The following RNF31 variants were observed in gnomAD, a reference collection of about 807,000 sequenced individuals.
RNF31 encodes the protein ring finger protein 31, also known as E3 ubiquitin-protein ligase RNF31.
In RNF31, 38 loss-of-function variants were observed where a neutral mutation model predicts 133.6. That is an observed-to-expected ratio of 0.28 (90% confidence interval 0.22 to 0.37). The LOEUF (loss-of-function observed/expected upper bound fraction) is 0.37. Ranked by LOEUF, RNF31 falls within the 10% of genes least tolerant of loss-of-function variation. RNF31 has a pLI of 1.00. For missense variants in RNF31, 1,118 were observed against 1,394.1 expected (o/e 0.80, Z 3.15); for synonymous variants, 582 against 552.3 (o/e 1.05, Z -0.75).
intron 5 of RNF31, 121 bp from the exon 6 acceptor site, chr14:24,149,285 A>T: frequency 9.4e-7 from 1 of 1,061,490 alleles, no homozygotes; most frequent in Non-Finnish European, 1.3e-6. Flanking sequence ...AAAAGAGATT[A>T]AAATTGTTTC....
rs1399108116 is a variant in RNF31, at chr14:24,151,797, G to C, written c.1935G>C (p.Arg645Ser). The C allele has an allele frequency of 3.1e-6, 5 of 1,609,982 alleles. No homozygotes were observed. Among genetic ancestry groups the C allele is most frequent in the Non-Finnish European group, 3.4e-6 (4 of 1,177,414 alleles). Reference sequence around the variant, plus strand: ...GAATCATATTGCAGAGCCTGGTCAGGCGGCTTTTGGCAGTCTACGCACTCC... The same window carrying C: ...GAATCATATTGCAGAGCCTGGTCAGCCGGCTTTTGGCAGTCTACGCACTCC... ...WDGPDKQSLV[R>S]RLLAVYALPS... The change falls in exon 11 of 21, where the codon AGG becomes AGC. Residue 645 changes from arginine (R) to serine (S), a missense_variant. Arg to Ser is a moderately radical substitution (Grantham distance 110). Around this residue, in one of 3 missense-constraint regions of RNF31, gnomAD observed 747 missense variants for 827.9 expected, o/e 0.90. Coordinates refer to ENST00000324103, the MANE Select transcript of RNF31 (RefSeq NM_017999.5). The surrounding 1 kb of genome is among the most constrained non-coding windows in gnomAD (Gnocchi z 5.3).
intron 18 of RNF31, among the ~76,000 whole-genome samples, chr14:24,158,987 G>C (rs2031101): frequency 0.58 from 82,605 of 143,492 alleles, 24,666 homozygotes; most frequent in East Asian, 0.85. Flanking sequence ...GAGCAGAGAT[G>C]GCGCCACCGC....
chr14:24,158,307 T>C, intron 18 of RNF31, 108 bp downstream of exon 18: 1 of 1,070,772 alleles, frequency 9.3e-7, no homozygotes, highest in Admixed American at 2.1e-5. Flanking sequence ...GCATGCCCTT[T>C]GGCAAGTTAA....
rs562575602 is a variant in RNF31 at position 24,148,851 on chromosome 14, C to T, written c.606C>T (p.Gly202=). 9 of 1,614,126 alleles carry T rather than the reference C, an allele frequency of 5.6e-6. No homozygotes were observed. The highest frequency in any genetic ancestry group is 2.2e-5 in the South Asian group (2 of 91,086). The change falls in exon 5 of 21, where the codon GGC becomes GGT. Residue 202 remains glycine, a synonymous_variant. Coordinates refer to ENST00000324103, the MANE Select transcript of RNF31 (RefSeq NM_017999.5). Reference sequence around the variant, plus strand: ...CCCTATTGAGAGAGATTGCTCCTGGCCCCCTCACCACACCCTCTGTCCCAG... The same window carrying T: ...CCCTATTGAGAGAGATTGCTCCTGGTCCCCTCACCACACCCTCTGTCCCAG... The part of the protein sequence containing the change: ...FDPLLREIAP[G]PLTTPSVPGS...
chr14:24,150,149 G>A lies in RNF31; in HGVS notation c.898G>A (p.Ala300Thr). 5.6e-6 allele frequency: 9 copies of A among 1,613,078 alleles called. No homozygotes were observed. The highest frequency in any genetic ancestry group is 7.6e-6 in the Non-Finnish European group (9 of 1,179,190). Residue 300 changes from alanine (A) to threonine (T), a missense_variant, in exon 7 of 21, where the codon GCT (alanine) becomes ACT (threonine). This residue lies in a region of RNF31 where 747 missense variants were observed against 827.9 expected (regional missense o/e 0.90). Coordinates refer to ENST00000324103, the MANE Select transcript of RNF31 (RefSeq NM_017999.5). ...SSLSSPNPAS[A>T]HLPWHCAACA... ...TCTTTCTTCCCCTAATCCTGCAAGTGCTCATTTGCCCTGGCACTGTGCTGC... is the reference window on the plus strand; with the variant it reads ...TCTTTCTTCCCCTAATCCTGCAAGTACTCATTTGCCCTGGCACTGTGCTGC...
At chr14:24,157,218 G>A in intron 14 of RNF31, 72 bp from the exon 15 acceptor site, 1 of 1,158,098 alleles carries the variant, frequency 8.6e-7, no homozygotes. Context: ...CTGGATGTGA[G>A]TGGAGGGGCC....
rs773718532 is a variant in RNF31 at position 24,151,115 on chromosome 14, C to T, written c.1489-16C>T. 1.4e-5 allele frequency: 23 copies of T among 1,612,064 alleles called. No homozygotes were observed. Among genetic ancestry groups the T allele is most frequent in the Middle Eastern group, 1.7e-4 (1 of 5,794 alleles). On this transcript the variant is annotated splice_polypyrimidine_tract_variant and intron_variant, in intron 8 of 20. Coordinates refer to ENST00000324103, the MANE Select transcript of RNF31 (RefSeq NM_017999.5). This position sits in a 1 kb window ranked among gnomAD's most constrained non-coding sequence, Gnocchi z 5.3. ...GGTGAAGGGTGCCCCTCCTGATGGG[C>T]GGGACTGTGCCTTAGGAAGGGGAAG...
At position 24,159,151 on chromosome 14, in the gene RNF31, C is replaced by T. The variant is rs545781543; in HGVS notation, c.2900-713C>T. 2.8e-4 allele frequency among the ~76,000 whole-genome samples: 43 copies of T among 151,350 alleles called. 2 individuals carry two copies. The highest frequency in any genetic ancestry group is 7.0e-3 in the Middle Eastern group (2 of 286). On this transcript the variant is annotated intron_variant, in intron 18 of 20. Coordinates refer to ENST00000324103, the MANE Select transcript of RNF31 (RefSeq NM_017999.5). ...CCTGACGTCAGGAGTTCGTGACCAA[C>T]CTGGCCAACAAGGTGAAACCCTGTC...
chr14:24,157,939 C>T lies in RNF31; in HGVS notation c.2769C>T (p.His923=), dbSNP rs377626272. ...EPNCRVKKSL[H]GHHPRDCLFY... is the part of the protein sequence containing the mutation. ...ACTGCAGGGTGAAAAAGTCCCTGCA[C>T]GGCCACCACCCTCGAGACTGCCTCT... Residue 923 remains histidine, a synonymous_variant, in exon 17 of 21, where the codon CAC becomes CAT. Transcript: ENST00000324103. 2.7e-5 allele frequency: 44 copies of T among 1,614,012 alleles called. No individual in the cohort carries two copies. Among genetic ancestry groups the T allele is most frequent in the Non-Finnish European group, 3.4e-5 (40 of 1,180,042 alleles).
At chr14:24,158,907 C>A (rs1476613784) in intron 18 of RNF31, among the ~76,000 whole-genome samples, 1 of 151,670 alleles carries the variant, frequency 6.6e-6, no homozygotes, top group Non-Finnish European at 1.5e-5. Context: ...GTGGCGGGCG[C>A]CTGTAGTCCC....
chr14:24,147,878 C>A lies in RNF31; in HGVS notation c.180C>A (p.Asn60Lys). ...ACGCCGCACGCCTTGTCCGCTGCAACGCTCATGGGGAGGTGAGGCCCGGCC... is the reference window on the plus strand; with the variant it reads ...ACGCCGCACGCCTTGTCCGCTGCAAAGCTCATGGGGAGGTGAGGCCCGGCC... ...QLDAARLVRC[N>K]AHGEPRNYLN... The change falls in exon 1 of 21, where the codon AAC becomes AAA. Residue 60 changes from asparagine (N) to lysine (K), a missense_variant. Asn to Lys is a moderately conservative substitution (Grantham distance 94). Coordinates refer to ENST00000324103, the MANE Select transcript of RNF31 (RefSeq NM_017999.5). 19 of 1,611,672 alleles carry A rather than the reference C, an allele frequency of 1.2e-5. No homozygotes were observed. Among genetic ancestry groups the A allele is most frequent in the Non-Finnish European group, 1.6e-5 (19 of 1,179,690 alleles).
Position 24,155,032 on chromosome 14 carries a change from G to A in RNF31, c.2131-125G>A. 1 of 883,482 alleles carries A rather than the reference G, an allele frequency of 1.1e-6. No individual in the cohort carries two copies. 54.7% of individuals were successfully genotyped at this position (883,482 alleles called of 1,614,324 possible). ...CTGCCTGGCCCCTGCTGGCACTTGA[G>A]GTTGTTAACCCTGCCCAGTTGTTAA... On this transcript the variant is annotated intron_variant, in intron 11 of 20. Transcript: ENST00000324103. This position sits in a 1 kb window ranked among gnomAD's most constrained non-coding sequence, Gnocchi z 4.9.
Position 24,148,347 on chromosome 14 carries a change from G to A in RNF31, c.429G>A (p.Glu143=), listed in dbSNP as rs542081688. The A allele has an allele frequency of 1.9e-6, 3 of 1,614,212 alleles. No homozygotes were observed. Among genetic ancestry groups the A allele is most frequent in the African/African-American group, 1.3e-5 (1 of 75,060 alleles). ...SFPEGQEEPD[E]HQVATVTLEV... ...CCGAAGGGCAGGAGGAGCCAGATGA[G>A]CACCAGGTTGCTACAGTCACACTGG... The change falls in exon 3 of 21, where the codon GAG becomes GAA. Residue 143 remains glutamate (E), a synonymous_variant. Coordinates refer to ENST00000324103, the MANE Select transcript of RNF31 (RefSeq NM_017999.5).
In RNF31 at chr14:24,155,228, G is replaced by A. The variant is rs1282981829; in HGVS notation, c.2202G>A (p.Leu734=). 1 of 1,614,100 alleles carries A rather than the reference G, an allele frequency of 6.2e-7. No homozygotes were observed. The highest frequency in any genetic ancestry group is 1.7e-5 in the Admixed American group (1 of 60,010). Residue 734 remains leucine (L), a synonymous_variant, in exon 12 of 21, where the codon TTG becomes TTA. Coordinates refer to ENST00000324103, the MANE Select transcript of RNF31 (RefSeq NM_017999.5). The surrounding 1 kb of genome is among the most constrained non-coding windows in gnomAD (Gnocchi z 4.9). Reference sequence around the variant, plus strand: ...TCCGCCAGCACTTCACCATCGCCTTGAAGGAGAAGCACATCACAGACATGG... The same window carrying A: ...TCCGCCAGCACTTCACCATCGCCTTAAAGGAGAAGCACATCACAGACATGG... ...DCFRQHFTIA[L]KEKHITDMVC...
intron 14 of RNF31, 112 bp from the exon 15 acceptor site, chr14:24,157,178 G>A (rs1054485784): frequency 1.5e-6 from 1 of 678,266 alleles, no homozygotes; most frequent in Non-Finnish European, 2.5e-6. Context: ...AATGGTAGGT[G>A]GCAGTGACAT....
At position 24,151,131 on chromosome 14, in the gene RNF31, G is replaced by A; in HGVS notation, c.1489G>A (p.Glu497Lys). The change falls in exon 9 of 21, where the codon GAA (glutamate) becomes AAA (lysine). Residue 497 changes from glutamate (E) to lysine (K), a missense_variant and splice_region_variant. Physicochemically the swap from Glu to Lys is moderately conservative, Grantham distance 56. Transcript: ENST00000324103. The surrounding 1 kb of genome is among the most constrained non-coding windows in gnomAD (Gnocchi z 5.3). ...EGLQLVSMIR[E>K]GEAAGACPEE... is the part of the protein sequence containing the mutation. The stretch of plus-strand genomic sequence containing the variant: ...CCTGATGGGCGGGACTGTGCCTTAG[G>A]AAGGGGAAGCCGCAGGTGCCTGTCC... 6.2e-7 allele frequency: 1 copy of A among 1,613,680 alleles called. No individual in the cohort carries two copies. The highest frequency in any genetic ancestry group is 8.5e-7 in the Non-Finnish European group (1 of 1,179,818).
intron 14 of RNF31, among the ~76,000 whole-genome samples, chr14:24,156,145 T>C (rs538861510): frequency 8.3e-4 from 126 of 151,996 alleles, no homozygotes; most frequent in Non-Finnish European, 1.6e-3. Flanking sequence ...AAAAAAGTGT[T>C]GTATGGCTGG....
intron 16 of RNF31, 37 bp downstream of exon 16, chr14:24,157,675 G>A: frequency 4.4e-6 from 7 of 1,574,032 alleles, no homozygotes; most frequent in Non-Finnish European, 6.1e-6. Context: ...TGGAAGGGTG[G>A]GGGGTGCCAT....
Position 24,151,144 on chromosome 14 carries a change from CA to C in RNF31, c.1503del (p.Gly502ValfsTer72). 1 of 1,613,924 alleles carries C rather than the reference CA, an allele frequency of 6.2e-7. No individual in the cohort carries two copies. The highest frequency in any genetic ancestry group is 8.5e-7 in the Non-Finnish European group (1 of 1,179,948). On this transcript the variant is annotated frameshift_variant, in exon 9 of 21. Coordinates refer to ENST00000324103, the MANE Select transcript of RNF31 (RefSeq NM_017999.5). LOFTEE classifies it high-confidence loss of function. This position sits in a 1 kb window ranked among gnomAD's most constrained non-coding sequence, Gnocchi z 5.3. ...ACTGTGCCTTAGGAAGGGGAAGCCGCAGGTGCCTGTCCAGAGGAGATCTTCT... is the reference window on the plus strand; with the variant it reads ...ACTGTGCCTTAGGAAGGGGAAGCCGCGGTGCCTGTCCAGAGGAGATCTTCT... ...LVSMIREGEA[A>X]GACPEEIFSA...
Sources: gnomAD v4.1 joint callset for allele counts (sites outside exome capture counted in the v4.1 genomes callset) on GRCh38, gnomAD v4.1.1 for gene constraint, gnomAD v4.1.1 regional missense constraint, Gnocchi (gnomAD v3.1) non-coding constraint, MANE v1.5 for transcripts, NCBI Gene and HGNC (gene_info 2026-07-23, HGNC 2026-07-21) for gene names.